The following PPP2CB variants were observed in gnomAD, a reference collection of about 807,000 sequenced individuals.
The protein encoded by PPP2CB is protein phosphatase 2 catalytic subunit beta.
A neutral mutation model predicts 39.1 loss-of-function variants in PPP2CB; 18 were observed. The observed-to-expected ratio is 0.46, with a 90% CI of 0.32 to 0.68. PPP2CB has a LOEUF of 0.68. Among genes scored for constraint, PPP2CB ranks in the 30% least tolerant of loss-of-function variants. The pLI is 0.04. For synonymous variants in PPP2CB, 129 were observed against 133.8 expected, an observed-to-expected ratio of 0.96 and a Z score of 0.25; for missense variants, 226 against 396.9, an observed-to-expected ratio of 0.57 and a Z score of 3.66.
intron 5 of PPP2CB, among the ~76,000 whole-genome samples, chr8:30,792,746 T>C (rs1319772635): frequency 2.0e-4 from 30 of 152,028 alleles, no homozygotes; most frequent in Admixed American, 2.0e-3. Context: ...ATGAGCCACT[T>C]TGTCCAGCCA....
intron 6 of PPP2CB, among the ~76,000 whole-genome samples, chr8:30,788,394 C>T (rs1806378146): frequency 2.0e-5 from 3 of 152,068 alleles, no homozygotes. Flanking sequence ...TCCCATACAG[C>T]TGAGACTACA....
At chr8:30,802,809 A>G (rs1260275029) in intron 1 of PPP2CB, among the ~76,000 whole-genome samples, 1 of 152,218 alleles carries the variant, frequency 6.6e-6, no homozygotes, top group Non-Finnish European at 1.5e-5. Flanking sequence ...TACATGCTAC[A>G]ATATGGAGGA....
At position 30,793,971 on chromosome 8, in the gene PPP2CB, A is replaced by G. The variant is rs139659660; in HGVS notation, c.684T>C (p.Phe228=). ...CCAGTGTGAGACCATTGGCATGGTTAAAGGTTTCAGAAATGTCTTGTCCAA... is the reference window on the plus strand; with the variant it reads ...CCAGTGTGAGACCATTGGCATGGTTGAAGGTTTCAGAAATGTCTTGTCCAA... ...YTFGQDISET[F]NHANGLTLVS... The change falls in exon 5 of 7, where the codon TTT becomes TTC. Residue 228 remains phenylalanine (F), a synonymous_variant. Transcript: ENST00000221138. 8.2e-5 allele frequency: 133 copies of G among 1,614,044 alleles called. No individual in the cohort carries two copies. The highest frequency in any genetic ancestry group is 1.0e-4 in the Admixed American group (6 of 60,002).
At chr8:30,790,932 G>A (rs921526433) in intron 6 of PPP2CB, 4 of 291,458 alleles carry the variant, frequency 1.4e-5, no homozygotes, top group African/African-American at 2.3e-5. Context: ...TAGCTCAAAT[G>A]CCACAGACTA....
At chr8:30,809,647 GA>G (rs199959559) in intron 1 of PPP2CB, among the ~76,000 whole-genome samples, 8 of 151,090 alleles carry the variant, frequency 5.3e-5, no homozygotes, top group Admixed American at 1.3e-4. Context: ...AATATTCAAA[GA>G]AAAAAAAATG....
chr8:30,791,545 G>GT (rs1212339325), intron 5 of PPP2CB: 1 of 341,210 alleles, frequency 2.9e-6, no homozygotes, highest in Non-Finnish European at 5.2e-6. Flanking sequence ...TTGTTTTGCC[G>GT]TATCTATGCT....
intron 6 of PPP2CB, among the ~76,000 whole-genome samples, chr8:30,788,725 ACAGT>A (rs2128760144): frequency 6.6e-6 from 1 of 152,362 alleles, no homozygotes. Context: ...CATGAGGTAT[ACAGT>A]CAGTTTACAG....
Position 30,797,629 on chromosome 8 carries a change from A to G in PPP2CB, c.438T>C (p.Phe146=). The change falls in exon 3 of 7, where the codon TTT becomes TTC. Residue 146 remains phenylalanine (F), a synonymous_variant. Coordinates refer to ENST00000221138, the MANE Select transcript of PPP2CB (RefSeq NM_001009552.2). ...GTGGAAGATAATCAAAGAGATCTGT[A>G]AAATATTTCCAAACGTTGGCATTCC... ...KYGNANVWKY[F]TDLFDYLPLT... is the part of the protein sequence containing the mutation. 6.2e-7 allele frequency: 1 copy of G among 1,613,970 alleles called. No individual in the cohort carries two copies. The highest frequency in any genetic ancestry group is 8.5e-7 in the Non-Finnish European group (1 of 1,179,836).
intron 6 of PPP2CB, among the ~76,000 whole-genome samples, chr8:30,790,416 T>C (rs142827319): frequency 1.2e-3 from 177 of 152,352 alleles, no homozygotes; most frequent in African/African-American, 4.0e-3. Flanking sequence ...TACAGCCCTC[T>C]TAATTGGTCT....
At chr8:30,803,207 G>A (rs555886685) in intron 1 of PPP2CB, among the ~76,000 whole-genome samples, 1 of 152,042 alleles carries the variant, frequency 6.6e-6, no homozygotes, top group East Asian at 1.9e-4. Context: ...TTAAGACATG[G>A]TCTTAATCTT....
chr8:30,794,592 CT>C (rs1806489420), intron 3 of PPP2CB: 2 of 279,434 alleles, frequency 7.2e-6, no homozygotes, highest in South Asian at 4.3e-5. Flanking sequence ...CACTTCCCTC[CT>C]TTCTTTTCTT....
chr8:30,810,363 A>T (rs1806805253), intron 1 of PPP2CB: 1 of 152,292 alleles, frequency 6.6e-6, no homozygotes, highest in African/African-American at 2.4e-5. Flanking sequence ...AGGCAGGAGG[A>T]TCCCTCGAAC....
At chr8:30,810,289 A>G (rs949464830) in intron 1 of PPP2CB, 1 of 152,260 alleles carries the variant, frequency 6.6e-6, no homozygotes, top group African/African-American at 2.4e-5. Context: ...CATCTCTACT[A>G]GAAATACAAA....
chr8:30,806,230 A>G (rs1346468682), intron 1 of PPP2CB, among the ~76,000 whole-genome samples: 1 of 143,264 alleles, frequency 7.0e-6, no homozygotes, highest in Non-Finnish European at 1.5e-5. Context: ...TTTTTTTTGT[A>G]TTTTTAGTGG....
At position 30,791,416 on chromosome 8, in the gene PPP2CB, T is replaced by C; in HGVS notation, c.739-101A>G. ...ACTCAAAAACTACAGGTACTCTCTGTGGAAATGTAGTCGTCTATATTACTA... is the reference window on the plus strand; with the variant it reads ...ACTCAAAAACTACAGGTACTCTCTGCGGAAATGTAGTCGTCTATATTACTA... On this transcript the variant is annotated intron_variant, in intron 5 of 6. Transcript: ENST00000221138. 3.6e-6 allele frequency: 3 copies of C among 828,082 alleles called. No homozygotes were observed. The Admixed American group carries it at 7.2e-5, about 20-fold the overall frequency. The allele number at this position is 828,082 out of a possible 1,614,324, so 51.3% of individuals were successfully genotyped here.
chr8:30,803,189 G>GT (rs962497489), intron 1 of PPP2CB, among the ~76,000 whole-genome samples: 3 of 150,882 alleles, frequency 2.0e-5, no homozygotes, highest in Non-Finnish European at 3.0e-5. Context: ...ACTAGCTTTT[G>GT]TTTTTTTTTA....
chr8:30,812,564 C>G lies in PPP2CB; in HGVS notation c.-143G>C. 2.3e-6 allele frequency: 1 copy of G among 435,630 alleles called. No individual in the cohort carries two copies. Among genetic ancestry groups the G allele is most frequent in the Non-Finnish European group, 3.7e-6 (1 of 272,902 alleles). 27.0% of individuals were successfully genotyped at this position (435,630 alleles called of 1,614,324 possible). A position where few individuals can be genotyped will look rare whatever the true frequency, so the allele number is the denominator to read the frequency against. ...AGGTCCCACAGGGGGAGGACTGAGC[C>G]GGGTAGGGCGGCCGCGGGCCCCGCG... On this transcript the variant is annotated 5_prime_UTR_variant, in exon 1 of 7. Coordinates refer to ENST00000221138, the MANE Select transcript of PPP2CB (RefSeq NM_001009552.2).
Position 30,808,251 on chromosome 8 carries a change from G to A in PPP2CB, c.102+4069C>T, listed in dbSNP as rs187618791. 2.6e-3 allele frequency among the ~76,000 whole-genome samples: 396 copies of A among 151,920 alleles called. 1 individual carries two copies. Among genetic ancestry groups the A allele is most frequent in the African/African-American group, 9.1e-3 (376 of 41,446 alleles). ...GTAGCTGGGACTACAGGCACACACC[G>A]CCATGCCCGGCTAATTTTTTGTATT... On this transcript the variant is annotated intron_variant, in intron 1 of 6. Coordinates refer to ENST00000221138, the MANE Select transcript of PPP2CB (RefSeq NM_001009552.2).
chr8:30,800,246 C>G (rs192304942), intron 1 of PPP2CB, among the ~76,000 whole-genome samples: 2 of 152,310 alleles, frequency 1.3e-5, no homozygotes, highest in Admixed American at 1.3e-4. Context: ...ATACATGCTA[C>G]AACTTTGAAG....
Sources: gnomAD v4.1 joint callset for allele counts (sites outside exome capture counted in the v4.1 genomes callset) on GRCh38, gnomAD v4.1.1 for gene constraint, MANE v1.5 for transcripts, NCBI Gene and HGNC (gene_info 2026-07-23, HGNC 2026-07-21) for gene names.